Variants in CALN1 observed in about 807,000 individuals in gnomAD.
CALN1 encodes the protein calneuron 1.
CALN1 carries 17 observed loss-of-function variants against 30.6 expected under a neutral mutation model. That is an observed-to-expected ratio of 0.56 (90% CI 0.38 to 0.83). The LOEUF (loss-of-function observed/expected upper bound fraction) is 0.83, where lower values mean the gene tolerates loss of function less well. Among genes scored for constraint, CALN1 ranks in the 40% least tolerant of loss-of-function variants. The pLI is 0.00. For synonymous variants in CALN1, 156 were observed against 131.4 expected, an observed-to-expected ratio of 1.19 and a Z score of -1.28; for missense variants, 291 against 354.9, an observed-to-expected ratio of 0.82 and a Z score of 1.45.
chr7:72,375,183 G>A (rs1016654321), intron 2 of CALN1, among the ~76,000 whole-genome samples: 3 of 152,100 alleles, frequency 2.0e-5, no homozygotes, highest in Non-Finnish European at 4.4e-5. Flanking sequence ...TCTTGGTGTG[G>A]CCCAGCTGGC....
intron 5 of CALN1, among the ~76,000 whole-genome samples, chr7:71,868,329 T>A (rs1431350608): frequency 4.6e-5 from 7 of 151,342 alleles, no homozygotes; most frequent in Non-Finnish European, 1.5e-5. Context: ...GCGAGACGTC[T>A]CACATGGCAG....
the CALN1 span, among the ~76,000 whole-genome samples, chr7:72,480,155 AG>A: frequency 2.6e-5 from 4 of 152,242 alleles, no homozygotes; most frequent in African/African-American, 7.2e-5. Context: ...AATATTAACT[AG>A]AATGGTGAGA....
chr7:72,410,915 CATG>C (rs762357620), intron 1 of CALN1, among the ~76,000 whole-genome samples: 2 of 151,984 alleles, frequency 1.3e-5, no homozygotes, highest in African/African-American at 2.4e-5. Flanking sequence ...CATTAACCAA[CATG>C]ATTAGACAAT....
At chr7:72,052,833 A>T (rs1802921573) in intron 4 of CALN1, among the ~76,000 whole-genome samples, 1 of 152,216 alleles carries the variant, frequency 6.6e-6, no homozygotes, top group Non-Finnish European at 1.5e-5. Flanking sequence ...AGACTTAGGT[A>T]AGAACTTAGA....
At chr7:72,273,607 C>T (rs952067697) in intron 3 of CALN1, among the ~76,000 whole-genome samples, 3 of 148,538 alleles carry the variant, frequency 2.0e-5, no homozygotes, top group Non-Finnish European at 4.5e-5. Context: ...TAGCCTCAAA[C>T]TCCTGGGCTC....
intron 3 of CALN1, among the ~76,000 whole-genome samples, chr7:72,222,676 T>C (rs1362829733): frequency 1.3e-4 from 20 of 152,092 alleles, no homozygotes; most frequent in Admixed American, 1.3e-3. Context: ...CCTCTCAGGA[T>C]CTTGCTTGAC....
chr7:72,336,923 G>A (rs1802098161), intron 2 of CALN1: 2 of 984,998 alleles, frequency 2.0e-6, no homozygotes, highest in Non-Finnish European at 2.4e-6. Context: ...CTCCCCACGC[G>A]CGCGCCGGGA....
chr7:72,292,716 G>A (rs966587847), intron 2 of CALN1, among the ~76,000 whole-genome samples: 1 of 150,506 alleles, frequency 6.6e-6, no homozygotes, highest in Non-Finnish European at 1.5e-5. Context: ...AGCTACTCGG[G>A]AGGCTGAGGC....
chr7:72,189,701 G>T (rs928274107), intron 3 of CALN1, among the ~76,000 whole-genome samples: 3 of 150,686 alleles, frequency 2.0e-5, no homozygotes, highest in African/African-American at 7.3e-5. Flanking sequence ...CCAGGAGGCA[G>T]AGGCTGCAAT....
upstream of CALN1, among the ~76,000 whole-genome samples, chr7:72,413,613 TAC>T (rs1807319362): frequency 6.6e-6 from 1 of 151,362 alleles, no homozygotes; most frequent in African/African-American, 2.4e-5. Flanking sequence ...CATGCACACA[TAC>T]ATATATACAC....
At chr7:72,406,628 C>CT (rs71914682) in intron 1 of CALN1, among the ~76,000 whole-genome samples, 1 of 144,732 alleles carries the variant, frequency 6.9e-6, no homozygotes, top group Non-Finnish European at 1.5e-5. Context: ...TTTTTTTTTT[C>CT]TTTTTTAAGA....
chr7:72,416,570 A>C (rs1807425778), upstream of CALN1, among the ~76,000 whole-genome samples: 2 of 152,006 alleles, frequency 1.3e-5, no homozygotes, highest in Admixed American at 1.3e-4. Context: ...CCCTGTCTCT[A>C]CTAAAAATTC....
chr7:72,449,472 C>G (rs73366926), upstream of CALN1, among the ~76,000 whole-genome samples: 1,790 of 152,266 alleles, frequency 0.012, 31 homozygotes, highest in African/African-American at 0.04. Context: ...AATCCCTGAG[C>G]TTTCCCAGCA....
intron 5 of CALN1, among the ~76,000 whole-genome samples, chr7:71,883,519 G>C (rs1307701371): frequency 6.6e-6 from 1 of 152,094 alleles, no homozygotes; most frequent in Non-Finnish European, 1.5e-5. Flanking sequence ...AAGTAATAAT[G>C]AGCAGGAATA....
chr7:71,993,288 T>C (rs1211782860), intron 5 of CALN1, among the ~76,000 whole-genome samples: 4 of 152,062 alleles, frequency 2.6e-5, no homozygotes, highest in African/African-American at 9.7e-5. Flanking sequence ...CAAGTTCTCT[T>C]TTAGATATAA....
intron 4 of CALN1, among the ~76,000 whole-genome samples, chr7:72,058,639 G>A (rs1803439820): frequency 6.6e-6 from 1 of 152,110 alleles, no homozygotes; most frequent in Non-Finnish European, 1.5e-5. Flanking sequence ...AATCTTTAGA[G>A]AACACCCAAG....
intron 6 of CALN1, among the ~76,000 whole-genome samples, chr7:71,809,475 A>AAAAG (rs1554342815): frequency 6.6e-6 from 1 of 150,980 alleles, no homozygotes; most frequent in Non-Finnish European, 1.5e-5. Context: ...AAAAAAAAAA[A>AAAAG]AAAGAAAAGA....
chr7:71,997,417 A>C (rs1799310508), intron 5 of CALN1, among the ~76,000 whole-genome samples: 1 of 152,200 alleles, frequency 6.6e-6, no homozygotes, highest in African/African-American at 2.4e-5. Context: ...AGATGAAATG[A>C]TATAAACAGA....
upstream of CALN1, among the ~76,000 whole-genome samples, chr7:72,416,887 G>A (rs1585706201): frequency 6.6e-6 from 1 of 152,298 alleles, no homozygotes; most frequent in South Asian, 2.1e-4. Context: ...GGCTGGGCTA[G>A]GCCAGGAGGC....
Sources: gnomAD v4.1 joint callset for allele counts (sites outside exome capture counted in the v4.1 genomes callset) on GRCh38, gnomAD v4.1.1 for gene constraint, MANE v1.5 for transcripts, NCBI Gene and HGNC (gene_info 2026-07-23, HGNC 2026-07-21) for gene names.